Variants in TOGARAM2 observed in about 807,000 individuals in gnomAD.
TOGARAM2 encodes the protein TOG array regulator of axonemal microtubules 2, also known as TOG array regulator of axonemal microtubules protein 2.
A neutral mutation model predicts 93.3 loss-of-function variants in TOGARAM2; 85 were observed. That is an observed-to-expected ratio of 0.91 (90% CI 0.76 to 1.09). The LOEUF (loss-of-function observed/expected upper bound fraction) is 1.09. Ranked by LOEUF, TOGARAM2 falls within the 50% of genes least tolerant of loss-of-function variation. TOGARAM2 has a pLI of 0.00. For synonymous variants in TOGARAM2, 593 were observed against 552.8 expected, an observed-to-expected ratio of 1.07 and a Z score of -1.02; for missense variants, 1,277 against 1,334.5, an observed-to-expected ratio of 0.96 and a Z score of 0.67.
At chr2:28,989,977 G>A (rs1205188866) in intron 1 of TOGARAM2, among the ~76,000 whole-genome samples, 6 of 152,206 alleles carry the variant, frequency 3.9e-5, no homozygotes, top group East Asian at 3.9e-4. Flanking sequence ...GTGGCAGGCC[G>A]AACTCTGGAG....
At chr2:28,994,910 G>T in intron 2 of TOGARAM2, 48 bp downstream of exon 2, 2 of 1,549,092 alleles carry the variant, frequency 1.3e-6, no homozygotes, top group African/African-American at 1.4e-5. Flanking sequence ...CCAGGCTAGG[G>T]GACCTGCCTC....
intron 1 of TOGARAM2, among the ~76,000 whole-genome samples, chr2:28,990,362 GATA>G (rs1219865306): frequency 1.3e-5 from 2 of 152,190 alleles, no homozygotes; most frequent in Admixed American, 1.3e-4. Flanking sequence ...CTGCAGGTCA[GATA>G]ATGCCATTCC....
At chr2:29,028,202 G>A (rs973979838) in intron 14 of TOGARAM2, among the ~76,000 whole-genome samples, 9 of 152,148 alleles carry the variant, frequency 5.9e-5, no homozygotes, top group African/African-American at 2.2e-4. Context: ...CGCCCCAACT[G>A]GAGACCATGT....
chr2:29,038,072 C>G (rs1044906385), intron 18 of TOGARAM2, among the ~76,000 whole-genome samples: 2 of 152,068 alleles, frequency 1.3e-5, no homozygotes, highest in Non-Finnish European at 2.9e-5. Context: ...GCGCTTTGGG[C>G]AAAAAATCTA....
chr2:28,996,799 CAA>C lies in TOGARAM2; in HGVS notation c.29-1320_29-1319del, dbSNP rs1170607481. Among the ~76,000 whole-genome samples the C allele has an allele frequency of 5.9e-3, 239 of 40,662 alleles. 1 individual carries two copies. The highest frequency in any genetic ancestry group is 0.027 in the African/African-American group (227 of 8,390). 26.7% of individuals were successfully genotyped at this position (40,662 alleles called of 152,430 possible). A position where few individuals can be genotyped will look rare whatever the true frequency, so the allele number is the denominator to read the frequency against. ...AGATCGCACCACTGAGACTCCATCT[CAA>C]AAAAAAAAAAAAAAAAAAAAAAAGA... On this transcript the variant is annotated intron_variant, in intron 2 of 19. Coordinates refer to ENST00000379558, the MANE Select transcript of TOGARAM2 (RefSeq NM_199280.4).
In TOGARAM2 at chr2:29,036,581, A is replaced by T; in HGVS notation, c.2459A>T (p.Lys820Met). ...ACCCCAAGGCTTCAGGATTCCAACA[A>T]GAAAGTGAACCAGTGGGCGCTGGAG... ...AFTPRLQDSN[K>M]KVNQWALESF... is the part of the protein sequence containing the mutation. The change falls in exon 18 of 20, where the codon AAG becomes ATG. Residue 820 changes from lysine (K) to methionine (M), a missense_variant. Coordinates refer to ENST00000379558, the MANE Select transcript of TOGARAM2 (RefSeq NM_199280.4). 1 of 1,614,012 alleles carries T rather than the reference A, an allele frequency of 6.2e-7. No homozygotes were observed. Among genetic ancestry groups the T allele is most frequent in the Non-Finnish European group, 8.5e-7 (1 of 1,179,890 alleles).
At chr2:29,010,790 A>G (rs1664198440) in intron 6 of TOGARAM2, among the ~76,000 whole-genome samples, 1 of 152,148 alleles carries the variant, frequency 6.6e-6, no homozygotes, top group African/African-American at 2.4e-5. Context: ...TGCTTGACAC[A>G]TAGTAGGTCT....
rs1672546207 is a variant in TOGARAM2 at position 28,988,022 on chromosome 2, G to T, written c.-111+6484G>T. 2.0e-5 allele frequency among the ~76,000 whole-genome samples: 3 copies of T among 152,196 alleles called. No individual in the cohort carries two copies. In the South Asian group the frequency reaches 6.2e-4, roughly 32 times the overall value. Reference sequence around the variant, plus strand: ...CTAGGAGTGGCCGAGTTGAGGGTCAGTGTGGAAACCAGCCCTGCCCCAAGC... The same window carrying T: ...CTAGGAGTGGCCGAGTTGAGGGTCATTGTGGAAACCAGCCCTGCCCCAAGC... On this transcript the variant is annotated intron_variant, in intron 1 of 19. Transcript: ENST00000379558.
chr2:28,957,507 A>G (rs1418543738), intron 1 of TOGARAM2, among the ~76,000 whole-genome samples: 1 of 152,224 alleles, frequency 6.6e-6, no homozygotes, highest in Non-Finnish European at 1.5e-5. Context: ...ACGGAATATT[A>G]TAACATTAAA....
At chr2:29,011,395 C>A (rs1664236250) in intron 6 of TOGARAM2, 60 bp from the exon 7 acceptor site, 1 of 1,564,720 alleles carries the variant, frequency 6.4e-7, no homozygotes, top group African/African-American at 1.4e-5. Context: ...CTGGGCTCCC[C>A]CAGCAGTGTC....
chr2:28,989,669 T>C (rs553691561), intron 1 of TOGARAM2, among the ~76,000 whole-genome samples: 9 of 152,322 alleles, frequency 5.9e-5, no homozygotes, highest in African/African-American at 2.2e-4. Flanking sequence ...CCTCCCAAAG[T>C]GCCAGGATTA....
At chr2:29,041,729 G>A (rs1022255661) in intron 18 of TOGARAM2, among the ~76,000 whole-genome samples, 4 of 152,126 alleles carry the variant, frequency 2.6e-5, no homozygotes, top group Non-Finnish European at 5.9e-5. Context: ...CCAATTCAAG[G>A]CCAGTCTTTG....
At chr2:29,007,434 C>A (rs1342054787) in intron 6 of TOGARAM2, among the ~76,000 whole-genome samples, 1 of 152,128 alleles carries the variant, frequency 6.6e-6, no homozygotes, top group African/African-American at 2.4e-5. Flanking sequence ...CTCCTAGTGC[C>A]TCCTGCTCCA....
In TOGARAM2 at chr2:29,011,540, C is replaced by T. The variant is rs368543088; in HGVS notation, c.877+39C>T. 3.8e-6 allele frequency: 6 copies of T among 1,573,810 alleles called. No homozygotes were observed. The African/African-American group carries it at 5.5e-5, about 14-fold the overall frequency. ...ATGCACACCTCCCTTTGTTATTTGA[C>T]TCTCTACATTCCTGGGCTGGGTCAG... On this transcript the variant is annotated intron_variant, in intron 7 of 19. Transcript: ENST00000379558.
At chr2:28,981,249 C>G (rs770988355), upstream of TOGARAM2, 1 of 152,304 alleles carries the variant, frequency 6.6e-6, no homozygotes, top group Non-Finnish European at 1.5e-5. Context: ...GTCTCTCCCC[C>G]GCGCAGGGAG....
intron 1 of TOGARAM2, among the ~76,000 whole-genome samples, chr2:28,984,582 A>G (rs960859889): frequency 6.6e-6 from 1 of 152,216 alleles, no homozygotes; most frequent in South Asian, 2.1e-4. Flanking sequence ...TGAAGATTCA[A>G]GCTCCTGCTA....
At chr2:28,987,123 T>C (rs922712975) in intron 1 of TOGARAM2, among the ~76,000 whole-genome samples, 6 of 152,224 alleles carry the variant, frequency 3.9e-5, no homozygotes, top group African/African-American at 7.2e-5. Context: ...ATCTTGTCTA[T>C]AAAATGAAGA....
intron 10 of TOGARAM2, among the ~76,000 whole-genome samples, chr2:29,021,853 G>A (rs965299582): frequency 6.6e-6 from 1 of 152,212 alleles, no homozygotes; most frequent in African/African-American, 2.4e-5. Flanking sequence ...CCCCCTGACT[G>A]GGGGGTTTAG....
chr2:28,969,007 C>T (rs919350023), intron 1 of TOGARAM2, among the ~76,000 whole-genome samples: 11 of 151,998 alleles, frequency 7.2e-5, no homozygotes, highest in African/African-American at 2.7e-4. Context: ...TTGGTGCAGG[C>T]AGTCTGAGTG....
Sources: gnomAD v4.1 joint callset for allele counts (sites outside exome capture counted in the v4.1 genomes callset) on GRCh38, gnomAD v4.1.1 for gene constraint, MANE v1.5 for transcripts, NCBI Gene and HGNC (gene_info 2026-07-23, HGNC 2026-07-21) for gene names.